Variants in AFF3 observed in about 807,000 individuals in gnomAD.
AFF3 encodes the protein AF4/FMR2 family member 3.
Under a neutral mutation model 129.7 loss-of-function variants are expected in AFF3, and 32 were observed. The ratio of observed to expected loss-of-function variants is 0.25; its 90% confidence interval spans 0.19 to 0.33. AFF3 has a LOEUF of 0.33. Ranked by LOEUF, AFF3 falls within the 10% of genes least tolerant of loss-of-function variation. The probability of loss-of-function intolerance (pLI) is 1.00; values close to 1 mark genes in which losing one functional copy is unlikely to be tolerated. For missense variants in AFF3, 1,373 were observed against 1,592.0 expected (o/e 0.86, Z 2.34); for synonymous variants, 644 against 635.4 (o/e 1.01, Z -0.20).
intron 7 of AFF3, among the ~76,000 whole-genome samples, chr2:99,967,038 A>C (rs937297456): frequency 1.3e-5 from 2 of 152,160 alleles, no homozygotes; most frequent in African/African-American, 4.8e-5. Flanking sequence ...AAAACATCCT[A>C]TGTCCTGATG....
At chr2:100,029,316 T>G (rs1684296559) in intron 4 of AFF3, among the ~76,000 whole-genome samples, 1 of 152,066 alleles carries the variant, frequency 6.6e-6, no homozygotes, top group African/African-American at 2.4e-5. Flanking sequence ...CAGGGATGCT[T>G]GGGCAGAGGA....
chr2:99,842,682 T>C (rs1432639501), intron 7 of AFF3, among the ~76,000 whole-genome samples: 1 of 152,220 alleles, frequency 6.6e-6, no homozygotes, highest in Non-Finnish European at 1.5e-5. Context: ...ACCATTTAAA[T>C]GTACATGCCG....
intron 7 of AFF3, among the ~76,000 whole-genome samples, chr2:99,972,572 G>A (rs144428976): frequency 1.0e-3 from 159 of 152,320 alleles, no homozygotes; most frequent in African/African-American, 3.7e-3. Flanking sequence ...TTGACACACA[G>A]TTATTGGGCC....
chr2:99,981,582 A>C (rs1679408439), intron 7 of AFF3, among the ~76,000 whole-genome samples: 1 of 152,194 alleles, frequency 6.6e-6, no homozygotes, highest in Non-Finnish European at 1.5e-5. Flanking sequence ...ACATTATGAC[A>C]ATGATATTTT....
At chr2:99,644,702 T>G (rs2105538782) in intron 13 of AFF3, among the ~76,000 whole-genome samples, 2 of 152,350 alleles carry the variant, frequency 1.3e-5, no homozygotes, top group South Asian at 4.1e-4. Context: ...ATCCCTTTTT[T>G]GATCAGAGTT....
chr2:99,920,452 G>C (rs913265772), intron 7 of AFF3, among the ~76,000 whole-genome samples: 9 of 151,976 alleles, frequency 5.9e-5, no homozygotes, highest in Non-Finnish European at 5.9e-5. Context: ...TAGACTCAGG[G>C]AAAGCACTGA....
chr2:99,820,434 T>C (rs982715564), intron 8 of AFF3, among the ~76,000 whole-genome samples: 4 of 152,098 alleles, frequency 2.6e-5, no homozygotes, highest in Non-Finnish European at 5.9e-5. Flanking sequence ...TGAATGGAGT[T>C]TGAAAAACTG....
chr2:99,832,578 C>T (rs1688585407), intron 8 of AFF3, among the ~76,000 whole-genome samples: 1 of 152,208 alleles, frequency 6.6e-6, no homozygotes. Context: ...TGGTTTCACC[C>T]CAAAGGATTA....
chr2:99,586,498 G>A (rs910868737), intron 16 of AFF3, among the ~76,000 whole-genome samples: 14 of 152,214 alleles, frequency 9.2e-5, no homozygotes, highest in Admixed American at 9.2e-4. Context: ...GGTGAGGAGT[G>A]TCTTAGAGAG....
intron 11 of AFF3, among the ~76,000 whole-genome samples, chr2:99,723,589 T>A (rs1331083866): frequency 2.0e-5 from 3 of 152,168 alleles, no homozygotes; most frequent in Non-Finnish European, 1.5e-5. Context: ...TGGAGCCTAT[T>A]ATGTTTCATG....
chr2:99,658,768 C>T (rs566758092), intron 12 of AFF3, among the ~76,000 whole-genome samples: 2 of 152,222 alleles, frequency 1.3e-5, no homozygotes, highest in African/African-American at 4.8e-5. Context: ...CTTGGCCTCA[C>T]CATGGACTCC....
At chr2:99,982,900 G>A (rs968644997) in intron 7 of AFF3, among the ~76,000 whole-genome samples, 4 of 152,238 alleles carry the variant, frequency 2.6e-5, no homozygotes, top group Non-Finnish European at 4.4e-5. Flanking sequence ...ACTTAGGTTC[G>A]CTCACCTATA....
At chr2:99,993,681 A>T (rs113848197) in intron 7 of AFF3, among the ~76,000 whole-genome samples, 10 of 152,026 alleles carry the variant, frequency 6.6e-5, no homozygotes, top group African/African-American at 2.4e-4. Flanking sequence ...AAGCAATTAG[A>T]GAGAAACTAA....
At position 99,836,245 on chromosome 2, in the gene AFF3, T is replaced by C. The variant is rs183148823; in HGVS notation, c.921+1232A>G. On this transcript the variant is annotated intron_variant, in intron 8 of 24. Coordinates refer to ENST00000672756, the MANE Select transcript of AFF3 (RefSeq NM_001386135.1). ...AACACTATAACCAGTTAAAGGAAGA[T>C]GGCTTAAAAATGGAATATGTGAACT... Among the ~76,000 whole-genome samples, 5 of 152,270 alleles carry C rather than the reference T, an allele frequency of 3.3e-5. No individual in the cohort carries two copies. In the East Asian group the frequency reaches 9.7e-4, roughly 29 times the overall value.
chr2:99,993,792 C>CTTTTT lies in AFF3; in HGVS notation c.873+12835_873+12839dup, dbSNP rs751882272. 1.2e-3 allele frequency among the ~76,000 whole-genome samples: 88 copies of CTTTTT among 72,548 alleles called. 1 individual carries two copies. The highest frequency in any genetic ancestry group is 3.7e-3 in the East Asian group (7 of 1,890). 47.6% of individuals were successfully genotyped at this position (72,548 alleles called of 152,430 possible). ...CAAGTAATGTGTACAAACACTTTAT[C>CTTTTT]TTTTTTTTTTTTTTTTTTTTTTTTT... On this transcript the variant is annotated intron_variant, in intron 7 of 24. Coordinates refer to ENST00000672756, the MANE Select transcript of AFF3 (RefSeq NM_001386135.1).
chr2:99,873,398 A>C (rs1354454510), intron 7 of AFF3, among the ~76,000 whole-genome samples: 2 of 143,522 alleles, frequency 1.4e-5, no homozygotes, highest in Non-Finnish European at 3.2e-5. Flanking sequence ...AAAAAGACAA[A>C]CAACATTTTT....
At chr2:99,656,344 A>G (rs1357587052) in intron 12 of AFF3, among the ~76,000 whole-genome samples, 1 of 152,184 alleles carries the variant, frequency 6.6e-6, no homozygotes, top group Admixed American at 6.5e-5. Flanking sequence ...ACAGTATCAG[A>G]TTTATTCTGC....
intron 11 of AFF3, among the ~76,000 whole-genome samples, chr2:99,711,970 A>C (rs1402178768): frequency 1.3e-5 from 2 of 152,134 alleles, no homozygotes; most frequent in African/African-American, 4.8e-5. Context: ...GAGTAGCTGA[A>C]GTTTCTTAAC....
chr2:99,978,091 G>C (rs1679054516), intron 7 of AFF3, among the ~76,000 whole-genome samples: 2 of 152,188 alleles, frequency 1.3e-5, no homozygotes. Context: ...AAAGTTCAAA[G>C]AGAGCTGTAC....
Sources: allele counts gnomAD v4.1 joint callset (sites outside exome capture counted in the v4.1 genomes callset), GRCh38; gene constraint gnomAD v4.1.1; transcripts MANE v1.5; gene names NCBI Gene and HGNC (gene_info 2026-07-23, HGNC 2026-07-21).